Variants in MYO3A observed in about 807,000 individuals in gnomAD.
MYO3A encodes the protein myosin IIIA.
Under a neutral mutation model 192.7 loss-of-function variants are expected in MYO3A, and 180 were observed. The observed-to-expected ratio is 0.93, with a 90% CI of 0.83 to 1.06. MYO3A has a LOEUF of 1.06. Ranked by LOEUF, MYO3A falls within the 50% of genes least tolerant of loss-of-function variation. The pLI is 0.00. For missense variants in MYO3A, 1,896 were observed against 1,905.0 expected (o/e 1.00, Z 0.09); for synonymous variants, 628 against 645.3 (o/e 0.97, Z 0.41).
At chr10:25,993,572 T>C (rs11815844) in intron 4 of MYO3A, among the ~76,000 whole-genome samples, 14,451 of 152,182 alleles carry the variant, frequency 0.095, 1,213 homozygotes, top group African/African-American at 0.22. Context: ...ATGTGTTTGC[T>C]CTTGCTTCTC....
rs891015226 is a variant in MYO3A, at chr10:26,172,825, G to T, written c.3399-838G>T. ...AGTAGAATTAGAAAAATGGAATCCCGGTAGCTTTTTCCAGATTTGACTCAA... is the reference window on the plus strand; with the variant it reads ...AGTAGAATTAGAAAAATGGAATCCCTGTAGCTTTTTCCAGATTTGACTCAA... On this transcript the variant is annotated intron_variant, in intron 29 of 34. Coordinates refer to ENST00000642920, the MANE Select transcript of MYO3A (RefSeq NM_017433.5). Among the ~76,000 whole-genome samples, 216 of 152,188 alleles carry T rather than the reference G, an allele frequency of 1.4e-3. 1 individual carries two copies. The highest frequency in any genetic ancestry group is 5.0e-3 in the African/African-American group (208 of 41,518).
chr10:26,083,561 G>T lies in MYO3A; in HGVS notation c.1360-4642G>T, dbSNP rs77052978. The stretch of plus-strand genomic sequence containing the variant: ...GAAGTGAAGAGAGTGCGCATTTTTT[G>T]CATTGTAACAGATACTATTGGAAAA... On this transcript the variant is annotated intron_variant, in intron 14 of 34. Coordinates refer to ENST00000642920, the MANE Select transcript of MYO3A (RefSeq NM_017433.5). 3.0e-3 allele frequency among the ~76,000 whole-genome samples: 455 copies of T among 152,084 alleles called. 11 individuals carry two copies. Among genetic ancestry groups the T allele is most frequent in the East Asian group, 0.021 (111 of 5,172 alleles).
rs10741107 is a variant in MYO3A, at chr10:26,170,769, T to C, written c.3398+230T>C. Among the ~76,000 whole-genome samples, 127,775 of 152,218 alleles carry C rather than the reference T, an allele frequency of 0.84. 54,041 individuals carry two copies. The highest frequency in any genetic ancestry group is 0.95 in the East Asian group (4,948 of 5,182). ...CCAGATTGCTTTCTATAATTCTACT[T>C]CTAATTCTGAGTGTCCTTTGCTAAT... On this transcript the variant is annotated intron_variant, in intron 29 of 34. Transcript: ENST00000642920.
At chr10:26,175,546 TG>T (rs1235971639) in intron 30 of MYO3A, among the ~76,000 whole-genome samples, 1 of 152,198 alleles carries the variant, frequency 6.6e-6, no homozygotes, top group Non-Finnish European at 1.5e-5. Flanking sequence ...TGACAGTGGC[TG>T]AGCCTATGAG....
At chr10:25,963,437 G>A (rs959998243) in intron 4 of MYO3A, among the ~76,000 whole-genome samples, 1 of 152,180 alleles carries the variant, frequency 6.6e-6, no homozygotes, top group Non-Finnish European at 1.5e-5. Flanking sequence ...GAATGAATGT[G>A]AGCTTTCTGT....
intron 34 of MYO3A, among the ~76,000 whole-genome samples, chr10:26,210,807 G>A (rs185127883): frequency 3.5e-4 from 53 of 151,856 alleles, no homozygotes; most frequent in Non-Finnish European, 1.3e-4. Context: ...CCTTGAACAC[G>A]ATGTGTACAC....
At chr10:25,955,944 C>G (rs1013157195) in intron 4 of MYO3A, among the ~76,000 whole-genome samples, 3 of 152,050 alleles carry the variant, frequency 2.0e-5, no homozygotes, top group Non-Finnish European at 4.4e-5. Context: ...AGAATAGAAA[C>G]TTATTCCTCA....
chr10:26,081,557 C>T (rs1429537964), intron 14 of MYO3A, among the ~76,000 whole-genome samples: 1 of 152,078 alleles, frequency 6.6e-6, no homozygotes, highest in African/African-American at 2.4e-5. Flanking sequence ...AGATTGGCAC[C>T]CTCCCCCGAG....
intron 26 of MYO3A, chr10:26,165,836 T>C (rs1841714091): frequency 3.4e-6 from 2 of 591,502 alleles, no homozygotes; most frequent in Non-Finnish European, 6.0e-6. Context: ...TTTTGAAAGG[T>C]GATCACAAAG....
At chr10:26,001,115 C>T (rs1679916244) in intron 6 of MYO3A, among the ~76,000 whole-genome samples, 1 of 152,100 alleles carries the variant, frequency 6.6e-6, no homozygotes, top group South Asian at 2.1e-4. Context: ...TTTGATATGA[C>T]ATTTGGGTGG....
chr10:26,088,545 G>A (rs1836486387), intron 15 of MYO3A, 140 bp downstream of exon 15: 3 of 810,352 alleles, frequency 3.7e-6, no homozygotes, highest in Non-Finnish European at 6.1e-6. Context: ...AGAATGAAGA[G>A]ATCCATCAGC....
intron 31 of MYO3A, among the ~76,000 whole-genome samples, chr10:26,183,725 A>G (rs1589097026): frequency 6.6e-6 from 1 of 152,060 alleles, no homozygotes; most frequent in African/African-American, 2.4e-5. Flanking sequence ...GTGGTTGTGC[A>G]GTTCAGAATG....
chr10:25,985,119 T>TC (rs1209434172), intron 4 of MYO3A, among the ~76,000 whole-genome samples: 1 of 151,564 alleles, frequency 6.6e-6, no homozygotes, highest in Non-Finnish European at 1.5e-5. Context: ...GTGCCTGTCG[T>TC]CCCAGCTACT....
At chr10:26,010,157 A>G (rs1841532229) in intron 6 of MYO3A, among the ~76,000 whole-genome samples, 1 of 152,196 alleles carries the variant, frequency 6.6e-6, no homozygotes, top group African/African-American at 2.4e-5. Flanking sequence ...TTATTATCAG[A>G]TATGAACTAA....
In MYO3A at chr10:25,996,565, A is replaced by G. The variant is rs1261295853; in HGVS notation, c.379A>G (p.Ile127Val). 6.2e-7 allele frequency: 1 copy of G among 1,613,782 alleles called. No homozygotes were observed. The change falls in exon 5 of 35, where the codon ATT (isoleucine) becomes GTT (valine). Residue 127 changes from isoleucine to valine, a missense_variant. Ile to Val is a conservative substitution (Grantham distance 29). Transcript: ENST00000642920. ...GGGTGAAAGAATGAGTGAGCCTCTAATTGCCTATATTTTACATGAAGCACT... is the reference window on the plus strand; with the variant it reads ...GGGTGAAAGAATGAGTGAGCCTCTAGTTGCCTATATTTTACATGAAGCACT... Reference protein sequence around the residue: ...KRGERMSEPLIAYILHEALMG... With the variant: ...KRGERMSEPLVAYILHEALMG...
intron 22 of MYO3A, 145 bp from the exon 23 acceptor site, chr10:26,147,285 G>GATAA (rs1324994927): frequency 6.7e-6 from 5 of 745,674 alleles, no homozygotes; most frequent in Non-Finnish European, 1.1e-5. Context: ...GATGATAAGG[G>GATAA]GCTACCTTAG....
At chr10:25,986,188 C>T (rs1839641995) in intron 4 of MYO3A, among the ~76,000 whole-genome samples, 1 of 151,934 alleles carries the variant, frequency 6.6e-6, no homozygotes, top group Non-Finnish European at 1.5e-5. Context: ...GGAAAATTGG[C>T]ATAGAAAGGA....
intron 26 of MYO3A, among the ~76,000 whole-genome samples, chr10:26,158,786 A>T (rs2131945379): frequency 6.6e-6 from 1 of 152,092 alleles, no homozygotes; most frequent in South Asian, 2.1e-4. Context: ...TTCAGGTGAA[A>T]CCCAGTATTT....
At chr10:26,053,674 A>T (rs1341533031) in intron 10 of MYO3A, among the ~76,000 whole-genome samples, 1 of 152,006 alleles carries the variant, frequency 6.6e-6, no homozygotes, top group Admixed American at 6.6e-5. Flanking sequence ...AAACACAAAA[A>T]ATTAGCCAAG....
Sources: allele counts gnomAD v4.1 joint callset (sites outside exome capture counted in the v4.1 genomes callset), GRCh38; gene constraint gnomAD v4.1.1; transcripts MANE v1.5; gene names NCBI Gene and HGNC (gene_info 2026-07-23, HGNC 2026-07-21).